ADGRL2: variants seen among roughly 807,000 people sequenced by gnomAD.
ADGRL2 encodes adhesion G protein-coupled receptor L2.
ADGRL2 carries 44 observed loss-of-function variants against 157.4 expected under a neutral mutation model. The ratio of observed to expected loss-of-function variants is 0.28; its 90% CI spans 0.22 to 0.36. ADGRL2 has a LOEUF of 0.36. Among genes scored for constraint, ADGRL2 ranks in the 10% least tolerant of loss-of-function variants. The pLI, the probability that ADGRL2 is intolerant of heterozygous loss-of-function variation, is 1.00. For missense variants in ADGRL2, 1,510 were observed against 1,768.9 expected, an observed-to-expected ratio of 0.85 and a Z score of 2.63; for synonymous variants, 585 against 624.7, an observed-to-expected ratio of 0.94 and a Z score of 0.95.
At chr1:81,556,903 C>T (rs1390536219) in intron 2 of ADGRL2, among the ~76,000 whole-genome samples, 1 of 151,694 alleles carries the variant, frequency 6.6e-6, no homozygotes, top group Non-Finnish European at 1.5e-5. Flanking sequence ...TGGTGAAACC[C>T]CATCTCTACT....
At chr1:81,461,592 T>C (rs1364202401) in intron 2 of ADGRL2, among the ~76,000 whole-genome samples, 1 of 152,236 alleles carries the variant, frequency 6.6e-6, no homozygotes, top group African/African-American at 2.4e-5. Flanking sequence ...TCTTGTTTTA[T>C]CTTTTCGAAA....
intron 1 of ADGRL2, among the ~76,000 whole-genome samples, chr1:81,826,094 C>T (rs978436345): frequency 3.3e-5 from 5 of 152,106 alleles, no homozygotes; most frequent in African/African-American, 4.8e-5. Flanking sequence ...GAATAATGCT[C>T]CAGAGGATTT....
chr1:81,545,520 A>G (rs1453540553), intron 2 of ADGRL2, among the ~76,000 whole-genome samples: 1 of 152,036 alleles, frequency 6.6e-6, no homozygotes, highest in East Asian at 1.9e-4. Context: ...ACCTCAAGTG[A>G]TCTGCCCGCC....
chr1:81,786,804 A>G (rs1445571372), intron 2 of ADGRL2, among the ~76,000 whole-genome samples: 1 of 152,192 alleles, frequency 6.6e-6, no homozygotes, highest in Admixed American at 6.5e-5. Context: ...TTTTTATTTA[A>G]CTACATCTAT....
At chr1:81,918,705 C>G (rs985662479) in intron 3 of ADGRL2, among the ~76,000 whole-genome samples, 3 of 152,008 alleles carry the variant, frequency 2.0e-5, no homozygotes, top group Non-Finnish European at 4.4e-5. Flanking sequence ...CAGCTGTTCA[C>G]AGGAAAAGCA....
At chr1:81,765,877 A>T (rs143681501) in intron 2 of ADGRL2, among the ~76,000 whole-genome samples, 11 of 152,254 alleles carry the variant, frequency 7.2e-5, no homozygotes, top group African/African-American at 2.6e-4. Flanking sequence ...ACAAGTTTCC[A>T]ATTTATCAAG....
chr1:81,756,738 G>A lies in ADGRL2; in HGVS notation c.-142-5073G>A, dbSNP rs145518728. ...TGATTTTTTTATAGGCCAGCAATAT[G>A]TCTTTCTCCATTCATTCAACAAATA... On this transcript the variant is annotated intron_variant, in intron 1 of 20. Coordinates refer to the ADGRL2 transcript ENST00000359929. 6.6e-5 allele frequency among the ~76,000 whole-genome samples: 10 copies of A among 152,222 alleles called. No individual in the cohort carries two copies. The South Asian group carries it at 1.0e-3, about 16-fold the overall frequency.
chr1:81,972,911 TAAAAAA>T (rs11440202), intron 17 of ADGRL2, among the ~76,000 whole-genome samples: 8 of 128,796 alleles, frequency 6.2e-5, no homozygotes, highest in Non-Finnish European at 1.0e-4. Flanking sequence ...GACCCTGTCT[TAAAAAA>T]AAAAAAAAAA....
intron 2 of ADGRL2, among the ~76,000 whole-genome samples, chr1:81,506,593 T>C (rs1244027854): frequency 6.6e-6 from 1 of 151,922 alleles, no homozygotes; most frequent in Non-Finnish European, 1.5e-5. Context: ...ACCTGTGGTC[T>C]CAGCTACTCA....
chr1:81,723,311 C>G (rs942884088), intron 1 of ADGRL2, among the ~76,000 whole-genome samples: 1 of 152,098 alleles, frequency 6.6e-6, no homozygotes, highest in African/African-American at 2.4e-5. Flanking sequence ...CTCTCTCCCC[C>G]AAATGCAACT....
intron 2 of ADGRL2, among the ~76,000 whole-genome samples, chr1:81,776,399 G>C (rs555585316): frequency 1.3e-5 from 2 of 152,190 alleles, no homozygotes; most frequent in African/African-American, 4.8e-5. Flanking sequence ...ATGTTGGCCA[G>C]GATGGTCTCA....
In ADGRL2 at chr1:81,310,809, G is replaced by T. The variant is rs1485166940; in HGVS notation, c.-302+4300G>T. ...CTTAGCCTGTGAGACATTCTTTTCAGATTTGATTTCTCTGTTACTTGGTTG... is the reference window on the plus strand; with the variant it reads ...CTTAGCCTGTGAGACATTCTTTTCATATTTGATTTCTCTGTTACTTGGTTG... On this transcript the variant is annotated intron_variant, in intron 1 of 24. Transcript: ENST00000370721. Among the ~76,000 whole-genome samples, 3 of 148,296 alleles carry T rather than the reference G, an allele frequency of 2.0e-5. No homozygotes were observed. In the Admixed American group the frequency reaches 2.0e-4, roughly 10 times the overall value.
At chr1:81,811,914 T>C (rs761495438) in intron 1 of ADGRL2, among the ~76,000 whole-genome samples, 2 of 151,502 alleles carry the variant, frequency 1.3e-5, no homozygotes, top group Non-Finnish European at 3.0e-5. Flanking sequence ...GCTGGTGCTG[T>C]GTAAGCAAGG....
At chr1:81,834,980 C>T (rs970049873) in intron 1 of ADGRL2, among the ~76,000 whole-genome samples, 7 of 152,068 alleles carry the variant, frequency 4.6e-5, no homozygotes, top group Non-Finnish European at 1.0e-4. Flanking sequence ...CTCCTTTTTC[C>T]CTTCACGAAC....
At chr1:81,687,718 G>A (rs543347364) in intron 3 of ADGRL2, among the ~76,000 whole-genome samples, 1 of 152,032 alleles carries the variant, frequency 6.6e-6, no homozygotes, top group South Asian at 2.1e-4. Flanking sequence ...TTGTTTGTTT[G>A]TTTTTTGCTT....
intron 1 of ADGRL2, among the ~76,000 whole-genome samples, chr1:81,396,538 A>G (rs1445722628): frequency 6.6e-6 from 1 of 152,088 alleles, no homozygotes. Flanking sequence ...TACTATATTG[A>G]GCAAGAGTGG....
intron 1 of ADGRL2, among the ~76,000 whole-genome samples, chr1:81,761,610 A>G (rs2085884355): frequency 6.6e-6 from 1 of 152,042 alleles, no homozygotes; most frequent in African/African-American, 2.4e-5. Context: ...ATTTGAAAGT[A>G]CTTATCAAAA....
intron 1 of ADGRL2, among the ~76,000 whole-genome samples, chr1:81,321,680 GTGGCTCA>G (rs1441536283): frequency 1.3e-5 from 2 of 152,134 alleles, no homozygotes; most frequent in East Asian, 3.9e-4. Context: ...TTACATGGAT[GTGGCTCA>G]TGGTGTTCCT....
At chr1:81,308,786 A>G (rs1659527561) in intron 1 of ADGRL2, among the ~76,000 whole-genome samples, 1 of 152,128 alleles carries the variant, frequency 6.6e-6, no homozygotes, top group South Asian at 2.1e-4. Flanking sequence ...AGGTTTTACA[A>G]CTATGCATCC....
Sources: allele counts gnomAD v4.1 joint callset (sites outside exome capture counted in the v4.1 genomes callset), GRCh38; gene constraint gnomAD v4.1.1; transcripts MANE v1.5; gene names NCBI Gene and HGNC (gene_info 2026-07-23, HGNC 2026-07-21).